MAP1B: variants seen among roughly 807,000 people sequenced by gnomAD.
MAP1B encodes microtubule-associated protein 1B.
Under a neutral mutation model 176.1 loss-of-function variants are expected in MAP1B, and 12 were observed. The ratio of observed to expected loss-of-function variants is 0.07; its 90% confidence interval spans 0.04 to 0.11. The LOEUF (loss-of-function observed/expected upper bound fraction) is 0.11, where lower values mean the gene tolerates loss of function less well. Among genes scored for constraint, MAP1B ranks in the 10% least tolerant of loss-of-function variants. MAP1B has a pLI of 1.00. For missense variants in MAP1B, 2,523 were observed against 2,990.5 expected (o/e 0.84, Z 3.65); for synonymous variants, 1,044 against 1,135.0 (o/e 0.92, Z 1.61).
intron 2 of MAP1B, among the ~76,000 whole-genome samples, chr5:72,119,314 G>C (rs1206901571): frequency 6.6e-6 from 1 of 152,200 alleles, no homozygotes. Context: ...AACCTTTGCT[G>C]TGTGCCCAGG....
chr5:72,159,421 C>G (rs1384878568), intron 2 of MAP1B, among the ~76,000 whole-genome samples: 1 of 100,140 alleles, frequency 1.0e-5, no homozygotes, highest in Non-Finnish European at 2.3e-5. Context: ...TGTCTGGAAG[C>G]TACTAAAAAG....
intron 2 of MAP1B, among the ~76,000 whole-genome samples, chr5:72,151,215 A>G (rs1047350244): frequency 2.0e-5 from 3 of 152,138 alleles, no homozygotes; most frequent in African/African-American, 4.8e-5. Context: ...TTGCTTTATA[A>G]CAACCCACTC....
chr5:72,168,702 A>G (rs1746480049), intron 2 of MAP1B, among the ~76,000 whole-genome samples: 1 of 152,214 alleles, frequency 6.6e-6, no homozygotes, highest in Non-Finnish European at 1.5e-5. Flanking sequence ...GTCTTTTAAA[A>G]AGAAGATAGA....
At position 72,199,300 on chromosome 5, in the gene MAP1B, G is replaced by A. The variant is rs1298402551; in HGVS notation, c.5945G>A (p.Arg1982Lys). 4.3e-6 allele frequency: 7 copies of A among 1,614,020 alleles called. No homozygotes were observed. Among genetic ancestry groups the A allele is most frequent in the Admixed American group, 1.7e-5 (1 of 60,006 alleles). ...TATGAAAAGACTGAGAGGTCTAGAA[G>A]GCTTCTGGATGACATCAGCAATGGC... ...YSYEKTERSR[R>K]LLDDISNGYD... is the part of the protein sequence containing the mutation. Residue 1982 changes from arginine (R) to lysine (K), a missense_variant, in exon 5 of 7, where the codon AGG becomes AAG. Arg to Lys is a conservative substitution (Grantham distance 26). Around this residue, in one of 4 missense-constraint regions of MAP1B, gnomAD observed 1,925 missense variants for 2,126.0 expected, o/e 0.91. Transcript: ENST00000296755. This position sits in a 1 kb window ranked among gnomAD's most constrained non-coding sequence, Gnocchi z 4.2.
At chr5:72,116,475 A>G (rs942586157) in intron 2 of MAP1B, 5 of 411,610 alleles carry the variant, frequency 1.2e-5, no homozygotes, top group Non-Finnish European at 2.3e-5. Context: ...AAAATTTGTC[A>G]TATGTGAAGA....
At chr5:72,167,999 T>C (rs1746463339) in intron 2 of MAP1B, among the ~76,000 whole-genome samples, 1 of 152,250 alleles carries the variant, frequency 6.6e-6, no homozygotes, top group South Asian at 2.1e-4. Flanking sequence ...TCTGGAGGGA[T>C]AGCTGACGCA....
Position 72,203,743 on chromosome 5 carries a change from G to A in MAP1B, c.7193G>A (p.Ser2398Asn). Residue 2398 changes from serine to asparagine, a missense_variant, in exon 6 of 7, where the codon AGC (serine) becomes AAC (asparagine). Ser to Asn is a conservative substitution (Grantham distance 46). Transcript: ENST00000296755. ...SGNDPAAEEPSRAVLDALLEG... is the reference protein window; with the variant it reads ...SGNDPAAEEPNRAVLDALLEG... The stretch of plus-strand genomic sequence containing the variant: ...AATGACCCTGCTGCTGAGGAGCCCA[G>A]CCGGGCTGTCCTGGACGCTTTGTTG... The A allele has an allele frequency of 1.2e-6, 2 of 1,613,676 alleles. No individual in the cohort carries two copies. Among genetic ancestry groups the A allele is most frequent in the Non-Finnish European group, 1.7e-6 (2 of 1,180,012 alleles).
At position 72,207,348 on chromosome 5, in the gene MAP1B, G is replaced by A. The variant is rs1747474670; in HGVS notation, c.*2109G>A. 1 of 152,086 alleles carries A rather than the reference G, an allele frequency of 6.6e-6. No individual in the cohort carries two copies. Among genetic ancestry groups the A allele is most frequent in the Admixed American group, 6.6e-5 (1 of 15,260 alleles). 9.4% of individuals were successfully genotyped at this position (152,086 alleles called of 1,614,324 possible). A position where few individuals can be genotyped will look rare whatever the true frequency, so the allele number is the denominator to read the frequency against. On this transcript the variant is annotated 3_prime_UTR_variant, in exon 7 of 7. Coordinates refer to ENST00000296755, the MANE Select transcript of MAP1B (RefSeq NM_005909.5). ...TTATTTCAAAATTAACATTTTAGTT[G>A]ATTTTTGTCTGATAAGTCTATGTTT...
intron 2 of MAP1B, chr5:72,116,592 A>G: frequency 3.8e-6 from 1 of 262,540 alleles, no homozygotes; most frequent in Non-Finnish European, 7.5e-6. Flanking sequence ...GTGAGCAATA[A>G]CCTATATTCC....
At chr5:72,157,425 A>G (rs1472572587) in intron 2 of MAP1B, among the ~76,000 whole-genome samples, 2 of 152,226 alleles carry the variant, frequency 1.3e-5, no homozygotes, top group African/African-American at 4.8e-5. Flanking sequence ...TTATTAACTT[A>G]TTTGAAATGC....
intron 1 of MAP1B, among the ~76,000 whole-genome samples, chr5:72,110,070 A>C (rs1375409976): frequency 6.6e-6 from 1 of 152,332 alleles, no homozygotes; most frequent in East Asian, 1.9e-4. Context: ...CTTGACATTA[A>C]TTTTTTAAAA....
In MAP1B at chr5:72,199,633, C is replaced by T. The variant is rs765346075; in HGVS notation, c.6278C>T (p.Pro2093Leu). The change falls in exon 5 of 7, where the codon CCC (proline) becomes CTC (leucine). Residue 2093 changes from proline to leucine, a missense_variant. Coordinates refer to ENST00000296755, the MANE Select transcript of MAP1B (RefSeq NM_005909.5). The surrounding 1 kb of genome is among the most constrained non-coding windows in gnomAD (Gnocchi z 4.2). ...GTGTCCTCTTGTGAATACAAGCACCCCAAGACAGAGCTTTCACCCTCTTTC... is the reference window on the plus strand; with the variant it reads ...GTGTCCTCTTGTGAATACAAGCACCTCAAGACAGAGCTTTCACCCTCTTTC... The part of the protein sequence containing the change: ...CLVSSCEYKH[P>L]KTELSPSFIN... 2 of 1,614,174 alleles carry T rather than the reference C, an allele frequency of 1.2e-6. No homozygotes were observed. Among genetic ancestry groups the T allele is most frequent in the Non-Finnish European group, 1.7e-6 (2 of 1,180,046 alleles).
intron 3 of MAP1B, among the ~76,000 whole-genome samples, chr5:72,184,986 G>A (rs778912771): frequency 2.6e-5 from 4 of 152,114 alleles, no homozygotes; most frequent in South Asian, 2.1e-4. Flanking sequence ...ATTCTTCCCC[G>A]ATGCCGACAA....
chr5:72,129,734 C>T (rs576885129), intron 2 of MAP1B, among the ~76,000 whole-genome samples: 235 of 152,162 alleles, frequency 1.5e-3, no homozygotes, highest in Non-Finnish European at 3.0e-3. Flanking sequence ...ATTGTGTCCT[C>T]CCTGCCACCA....
chr5:72,138,203 A>G (rs550209317), intron 2 of MAP1B, among the ~76,000 whole-genome samples: 10 of 152,332 alleles, frequency 6.6e-5, no homozygotes, highest in African/African-American at 2.4e-4. Flanking sequence ...ATGAACATTC[A>G]ATTTACATAC....
chr5:72,196,343 G>A lies in MAP1B; in HGVS notation c.2988G>A (p.Gly996=). The part of the protein sequence containing the change: ...IREKRESVAS[G]DDRAEEDMDE... ...AGAAGAGGGAGTCTGTGGCCAGTGGGGATGACCGAGCCGAAGAAGACATGG... is the reference window on the plus strand; with the variant it reads ...AGAAGAGGGAGTCTGTGGCCAGTGGAGATGACCGAGCCGAAGAAGACATGG... The change falls in exon 5 of 7, where the codon GGG becomes GGA. Residue 996 remains glycine (G), a synonymous_variant. Transcript: ENST00000296755. The surrounding 1 kb of genome is among the most constrained non-coding windows in gnomAD (Gnocchi z 5.3). The A allele has an allele frequency of 6.2e-7, 1 of 1,614,114 alleles. No individual in the cohort carries two copies.
At position 72,194,579 on chromosome 5, in the gene MAP1B, T is replaced by C; in HGVS notation, c.1224T>C (p.Pro408=). The C allele has an allele frequency of 1.2e-6, 2 of 1,614,130 alleles. No homozygotes were observed. The highest frequency in any genetic ancestry group is 1.1e-5 in the South Asian group (1 of 91,080). The change falls in exon 5 of 7, where the codon CCT becomes CCC. Residue 408 remains proline (P), a synonymous_variant. Coordinates refer to ENST00000296755, the MANE Select transcript of MAP1B (RefSeq NM_005909.5). This position sits in a 1 kb window ranked among gnomAD's most constrained non-coding sequence, Gnocchi z 7.2. ...LFRSVGNTID[P]VILFQKMGVG... The stretch of plus-strand genomic sequence containing the variant: ...GAAGTGTAGGCAATACTATTGATCC[T>C]GTCATTCTTTTCCAAAAAATGGGAG...
At chr5:72,139,877 C>T (rs1443945358) in intron 2 of MAP1B, among the ~76,000 whole-genome samples, 2 of 152,022 alleles carry the variant, frequency 1.3e-5, no homozygotes, top group African/African-American at 4.8e-5. Flanking sequence ...ACACCTGATA[C>T]ATAAGAAAAG....
At chr5:72,177,966 C>T (rs1292275173) in intron 2 of MAP1B, among the ~76,000 whole-genome samples, 1 of 152,044 alleles carries the variant, frequency 6.6e-6, no homozygotes, top group East Asian at 1.9e-4. Flanking sequence ...TCCTTCCTCC[C>T]TTCCCTCCTT....
Sources: gnomAD v4.1 joint callset for allele counts (sites outside exome capture counted in the v4.1 genomes callset) on GRCh38, gnomAD v4.1.1 for gene constraint, gnomAD v4.1.1 regional missense constraint, Gnocchi (gnomAD v3.1) non-coding constraint, MANE v1.5 for transcripts, NCBI Gene and HGNC (gene_info 2026-07-23, HGNC 2026-07-21) for gene names.